MACF1: variants seen among roughly 807,000 people sequenced by gnomAD.
MACF1 encodes the protein microtubule-actin cross-linking factor 1.
MACF1 carries 193 observed loss-of-function variants against 854.8 expected under a neutral mutation model. The ratio of observed to expected loss-of-function variants is 0.23; its 90% confidence interval spans 0.20 to 0.25. MACF1 has a LOEUF of 0.25. MACF1 is among the 10% of genes least tolerant of loss of function. The pLI, the probability that MACF1 is intolerant of heterozygous loss-of-function variation, is 1.00. For missense variants in MACF1, 7,722 were observed against 8,929.1 expected (o/e 0.86, Z 5.45); for synonymous variants, 3,185 against 3,226.7 (o/e 0.99, Z 0.44).
At chr1:39,424,418 T>C (rs1643657798) in intron 61 of MACF1, among the ~76,000 whole-genome samples, 2 of 152,188 alleles carry the variant, frequency 1.3e-5, no homozygotes, top group African/African-American at 2.4e-5. Context: ...GGAAAACTCA[T>C]TGCTCTGTGT....
intron 26 of MACF1, among the ~76,000 whole-genome samples, chr1:39,313,611 A>G (rs572872693): frequency 8.7e-4 from 131 of 150,910 alleles, no homozygotes; most frequent in Non-Finnish European, 1.2e-3. Flanking sequence ...ATTTATGTCA[A>G]TATATACTCA....
rs1311746662 is a variant in MACF1, at chr1:39,448,040, A to C, written c.19976A>C (p.Glu6659Ala). Residue 6659 changes from glutamate (E) to alanine (A), a missense_variant, in exon 83 of 101, where the codon GAA (glutamate) becomes GCA (alanine). Around this residue, in one of 15 missense-constraint regions of MACF1, gnomAD observed 729 missense variants for 900.5 expected, o/e 0.81. Transcript: ENST00000564288. ...TTTCTTATGTAATTTTAGTTCCATG[A>C]AGCTTGGAAAAAACTGATTGACTGG... ...DARKRAKQFHEAWKKLIDWLE... is the reference protein window; with the variant it reads ...DARKRAKQFHAAWKKLIDWLE... 1.2e-6 allele frequency: 2 copies of C among 1,614,124 alleles called. No individual in the cohort carries two copies. Among genetic ancestry groups the C allele is most frequent in the Non-Finnish European group, 1.7e-6 (2 of 1,179,998 alleles).
At chr1:39,426,248 AT>A (rs997739633) in intron 61 of MACF1, among the ~76,000 whole-genome samples, 2 of 152,234 alleles carry the variant, frequency 1.3e-5, no homozygotes, top group Non-Finnish European at 2.9e-5. Flanking sequence ...CTTAAAAAAT[AT>A]GTTTTTCTTT....
chr1:39,150,937 T>C (rs1263001120), intron 2 of MACF1, among the ~76,000 whole-genome samples: 5 of 152,232 alleles, frequency 3.3e-5, no homozygotes, highest in Admixed American at 2.6e-4. Flanking sequence ...TGAGTGATCT[T>C]ATTTGTACTC....
intron 2 of MACF1, among the ~76,000 whole-genome samples, chr1:39,109,447 A>AT (rs970648793): frequency 1.2e-4 from 18 of 149,748 alleles, no homozygotes; most frequent in South Asian, 8.5e-4. Flanking sequence ...TTTTTTCTAT[A>AT]TTTTTTTTTA....
Position 39,385,745 on chromosome 1 carries a change from G to A in MACF1, c.14160G>A (p.Lys4720=), listed in dbSNP as rs1274107833. Residue 4720 remains lysine (K), a synonymous_variant, in exon 57 of 101, where the codon AAG becomes AAA. Coordinates refer to ENST00000564288, the MANE Select transcript of MACF1 (RefSeq NM_001394062.1). ...TCAGCACCCAACCAGAGGCTGTAAA[G>A]CAGCAATTGGAAGAGACCAGTGAAA... ...SAISTQPEAV[K]QQLEETSEIR... 1.9e-6 allele frequency: 3 copies of A among 1,614,188 alleles called. No individual in the cohort carries two copies. The highest frequency in any genetic ancestry group is 1.7e-6 in the Non-Finnish European group (2 of 1,180,030).
At chr1:39,350,113 A>G (rs1235265983) in intron 42 of MACF1, among the ~76,000 whole-genome samples, 3 of 152,246 alleles carry the variant, frequency 2.0e-5, no homozygotes, top group Non-Finnish European at 4.4e-5. Context: ...AACTCATATG[A>G]GAACATATAG....
At chr1:39,351,358 G>C (rs913305942) in intron 43 of MACF1, among the ~76,000 whole-genome samples, 1 of 152,056 alleles carries the variant, frequency 6.6e-6, no homozygotes, top group Non-Finnish European at 1.5e-5. Context: ...TCACCAGGTT[G>C]GCCAGGCTGG....
chr1:39,103,042 A>T (rs1471064137), intron 2 of MACF1: 4 of 679,144 alleles, frequency 5.9e-6, no homozygotes, highest in African/African-American at 1.8e-5. Flanking sequence ...ATCTCCTGGG[A>T]GCATTTAAAT....
chr1:39,452,111 C>G (rs185132518), intron 85 of MACF1, 45 bp from the exon 86 acceptor site: 4 of 1,497,238 alleles, frequency 2.7e-6, no homozygotes, highest in Non-Finnish European at 3.6e-6. Flanking sequence ...TTCTTGGACT[C>G]AAAACATTCC....
Position 39,447,745 on chromosome 1 carries a change from A to G in MACF1, c.19815A>G (p.Gln6605=). ...GAGACCAGATCATTGAGCTGGATCA[A>G]ACTGGGAATCAATTAAAGTTCCTTA... ...AHRDQIIELD[Q]TGNQLKFLSQ... The change falls in exon 82 of 101, where the codon CAA becomes CAG. Residue 6605 remains glutamine, a synonymous_variant. Transcript: ENST00000564288. The G allele has an allele frequency of 1.2e-6, 2 of 1,614,190 alleles. No individual in the cohort carries two copies. Among genetic ancestry groups the G allele is most frequent in the Non-Finnish European group, 8.5e-7 (1 of 1,180,030 alleles).
Position 39,347,083 on chromosome 1 carries a change from A to G in MACF1, c.10688A>G (p.Asn3563Ser). The G allele has an allele frequency of 6.2e-7, 1 of 1,613,588 alleles. No individual in the cohort carries two copies. Among genetic ancestry groups the G allele is most frequent in the Non-Finnish European group, 8.5e-7 (1 of 1,179,454 alleles). ...EHAQDLSPQQ[N>S]RQMLRLLNEL... ...GCCCAGGACTTGTCCCCTCAGCAGAATCGACAGATGCTGAGGCTTCTGAAT... is the reference window on the plus strand; with the variant it reads ...GCCCAGGACTTGTCCCCTCAGCAGAGTCGACAGATGCTGAGGCTTCTGAAT... The change falls in exon 41 of 101, where the codon AAT becomes AGT. Residue 3563 changes from asparagine to serine, a missense_variant. By Grantham distance (46) the Asn-to-Ser change is conservative (BLOSUM62 1). Around this residue, in one of 15 missense-constraint regions of MACF1, gnomAD observed 854 missense variants for 852.6 expected, o/e 1.00. Coordinates refer to ENST00000564288, the MANE Select transcript of MACF1 (RefSeq NM_001394062.1).
intron 2 of MACF1, among the ~76,000 whole-genome samples, chr1:39,161,967 G>A (rs1334432041): frequency 1.3e-5 from 2 of 151,934 alleles, no homozygotes; most frequent in South Asian, 2.1e-4. Context: ...GGAGGCTGAG[G>A]TGGGAGGATT....
intron 50 of MACF1, among the ~76,000 whole-genome samples, chr1:39,369,381 T>A (rs761089154): frequency 1.3e-5 from 2 of 152,076 alleles, no homozygotes; most frequent in African/African-American, 2.4e-5. Context: ...AAGAAAAGAG[T>A]TGCTCAAACC....
chr1:39,298,354 T>C (rs1645967966), intron 21 of MACF1, among the ~76,000 whole-genome samples: 1 of 152,220 alleles, frequency 6.6e-6, no homozygotes, highest in Admixed American at 6.5e-5. Context: ...TATATTCTTT[T>C]TCTCCAATGA....
In MACF1 at chr1:39,461,893, C is replaced by A; in HGVS notation, c.21534C>A (p.Thr7178=). 3 of 1,612,980 alleles carry A rather than the reference C, an allele frequency of 1.9e-6. No homozygotes were observed. The highest frequency in any genetic ancestry group is 2.5e-6 in the Non-Finnish European group (3 of 1,179,582). ...ATTCCTTTTCTCCAGAGTTCCCCAC[C>A]ACCAAGTTAGAGATGACTGCTGTGG... ...IDGILASKFP[T]TKLEMTAVAD... is the part of the protein sequence containing the mutation. Residue 7178 remains threonine (T), a synonymous_variant, in exon 93 of 101, where the codon ACC becomes ACA. Transcript: ENST00000564288.
chr1:39,266,742 G>T (rs1645237861), intron 6 of MACF1, among the ~76,000 whole-genome samples: 1 of 151,676 alleles, frequency 6.6e-6, no homozygotes, highest in Admixed American at 6.6e-5. Flanking sequence ...ATAAATAACT[G>T]CAATAGGAAA....
intron 20 of MACF1, among the ~76,000 whole-genome samples, chr1:39,296,829 AGG>A (rs1215423070): frequency 3.3e-5 from 5 of 150,298 alleles, no homozygotes; most frequent in African/African-American, 5.0e-5. Context: ...GAAGGAAGGA[AGG>A]AAGGAAGGAA....
At chr1:39,324,794 T>C in intron 35 of MACF1, 60 bp downstream of exon 35, 1 of 1,275,240 alleles carries the variant, frequency 7.8e-7, no homozygotes, top group Non-Finnish European at 1.1e-6. Context: ...AGTCTAAAAC[T>C]TACAGCCATA....
Sources: gnomAD v4.1 joint callset for allele counts (sites outside exome capture counted in the v4.1 genomes callset) on GRCh38, gnomAD v4.1.1 for gene constraint, gnomAD v4.1.1 regional missense constraint, MANE v1.5 for transcripts, NCBI Gene and HGNC (gene_info 2026-07-23, HGNC 2026-07-21) for gene names.